The following GRID1 variants were observed in gnomAD, a reference collection of about 807,000 sequenced individuals.
The protein encoded by GRID1 is glutamate receptor ionotropic, delta-1.
GRID1 carries 28 observed loss-of-function variants against 98.0 expected under a neutral mutation model. The observed-to-expected ratio is 0.29, with a 90% CI of 0.21 to 0.39. GRID1 has a LOEUF of 0.39. Ranked by LOEUF, GRID1 falls within the 10% of genes least tolerant of loss-of-function variation. The probability of loss-of-function intolerance (pLI) is 1.00; values close to 1 mark genes in which losing one functional copy is unlikely to be tolerated. For missense variants in GRID1, 1,111 were observed against 1,340.5 expected, an observed-to-expected ratio of 0.83 and a Z score of 2.67; for synonymous variants, 553 against 538.5, an observed-to-expected ratio of 1.03 and a Z score of -0.37.
In GRID1 at chr10:85,991,203, T is replaced by C. The variant is rs552661928; in HGVS notation, c.727-74964A>G. On this transcript the variant is annotated intron_variant, in intron 4 of 15. Transcript: ENST00000327946. ...TCTAGTTCCTTACGATGCTGGTGGA[T>C]CCACTGATTGAATGTAGAATACAAG... 7.8e-4 allele frequency among the ~76,000 whole-genome samples: 118 copies of C among 152,212 alleles called. 1 individual carries two copies. The highest frequency in any genetic ancestry group is 3.4e-3 in the Middle Eastern group (1 of 294).
At chr10:86,186,916 G>C (rs4934159) in intron 3 of GRID1, among the ~76,000 whole-genome samples, 20,257 of 152,216 alleles carry the variant, frequency 0.13, 1,464 homozygotes, top group South Asian at 0.26. Context: ...GAGGTAGAGA[G>C]ACTAACTCCC....
intron 3 of GRID1, among the ~76,000 whole-genome samples, chr10:86,187,626 T>C (rs1280673595): frequency 1.3e-5 from 2 of 152,234 alleles, no homozygotes; most frequent in Non-Finnish European, 2.9e-5. Context: ...TCTTGGCATC[T>C]GTGCAAGCTG....
intron 4 of GRID1, among the ~76,000 whole-genome samples, chr10:86,133,054 T>G (rs978544522): frequency 2.0e-5 from 3 of 152,240 alleles, no homozygotes; most frequent in Non-Finnish European, 2.9e-5. Flanking sequence ...CACTGGTATC[T>G]AACTGCAGAG....
At chr10:85,775,718 AT>A (rs1842324522) in intron 8 of GRID1, among the ~76,000 whole-genome samples, 1 of 152,162 alleles carries the variant, frequency 6.6e-6, no homozygotes, top group South Asian at 2.1e-4. Context: ...AAAATTTTAA[AT>A]TTTTTGTAAA....
chr10:85,924,788 C>T (rs913558912), intron 4 of GRID1, among the ~76,000 whole-genome samples: 3 of 152,170 alleles, frequency 2.0e-5, no homozygotes, highest in African/African-American at 7.2e-5. Flanking sequence ...AATCATTAGA[C>T]CTCCCTGGCC....
intron 12 of GRID1, among the ~76,000 whole-genome samples, chr10:85,656,188 A>T (rs1840893222): frequency 6.6e-6 from 1 of 152,128 alleles, no homozygotes; most frequent in African/African-American, 2.4e-5. Context: ...ACAGTGGCCA[A>T]TTCTCAGTCT....
intron 8 of GRID1, among the ~76,000 whole-genome samples, chr10:85,822,291 G>A (rs1320380015): frequency 6.6e-6 from 1 of 152,118 alleles, no homozygotes; most frequent in Non-Finnish European, 1.5e-5. Flanking sequence ...CTACTCATCT[G>A]ACAAAGGGCT....
intron 3 of GRID1, among the ~76,000 whole-genome samples, chr10:86,193,804 G>A (rs1845837506): frequency 6.6e-6 from 1 of 151,764 alleles, no homozygotes; most frequent in Non-Finnish European, 1.5e-5. Flanking sequence ...CTCAGTGCAG[G>A]ATACACCAAA....
At chr10:85,798,794 C>A (rs1305110524) in intron 8 of GRID1, among the ~76,000 whole-genome samples, 1 of 152,010 alleles carries the variant, frequency 6.6e-6, no homozygotes, top group Non-Finnish European at 1.5e-5. Context: ...TTATTTTCTC[C>A]TATTCTGCAG....
intron 12 of GRID1, among the ~76,000 whole-genome samples, chr10:85,668,340 T>C (rs1470066005): frequency 3.3e-5 from 5 of 152,206 alleles, no homozygotes; most frequent in African/African-American, 1.2e-4. Context: ...ATATGTGTGG[T>C]TGGCTACCCT....
At chr10:86,351,269 T>C (rs987384223) in intron 2 of GRID1, among the ~76,000 whole-genome samples, 1 of 152,160 alleles carries the variant, frequency 6.6e-6, no homozygotes, top group Non-Finnish European at 1.5e-5. Flanking sequence ...ACGGTGTATG[T>C]GGATAGAAAA....
intron 2 of GRID1, among the ~76,000 whole-genome samples, chr10:86,323,972 A>G (rs918886027): frequency 6.6e-5 from 10 of 152,162 alleles, no homozygotes; most frequent in Admixed American, 1.3e-4. Context: ...TGAGGTCAGG[A>G]GTTTGAGACC....
At chr10:85,638,514 C>T (rs1843076548) in intron 13 of GRID1, among the ~76,000 whole-genome samples, 1 of 152,064 alleles carries the variant, frequency 6.6e-6, no homozygotes, top group Non-Finnish European at 1.5e-5. Flanking sequence ...ATCAATGGAA[C>T]AGAATAGAGA....
intron 4 of GRID1, among the ~76,000 whole-genome samples, chr10:85,939,100 G>A (rs762628399): frequency 6.6e-5 from 10 of 152,122 alleles, no homozygotes; most frequent in Admixed American, 1.3e-4. Context: ...GTCCCAGGCC[G>A]CCTGGTGCCT....
intron 4 of GRID1, among the ~76,000 whole-genome samples, chr10:85,934,472 G>C (rs896157392): frequency 1.3e-5 from 2 of 148,702 alleles, no homozygotes; most frequent in Admixed American, 1.3e-4. Flanking sequence ...AAGATAAATA[G>C]CTCATCAAAA....
chr10:86,205,072 T>C (rs982647199), intron 3 of GRID1, among the ~76,000 whole-genome samples: 20 of 152,226 alleles, frequency 1.3e-4, no homozygotes, highest in African/African-American at 4.8e-4. Context: ...ACCTCATCTT[T>C]ATTTCAGCAC....
intron 8 of GRID1, among the ~76,000 whole-genome samples, chr10:85,769,322 T>C (rs1017135851): frequency 1.3e-5 from 2 of 152,120 alleles, no homozygotes; most frequent in African/African-American, 2.4e-5. Flanking sequence ...TACACATGAA[T>C]ATAAAGATGG....
chr10:86,230,669 G>T (rs1846437139), intron 2 of GRID1, among the ~76,000 whole-genome samples: 1 of 152,158 alleles, frequency 6.6e-6, no homozygotes, highest in Non-Finnish European at 1.5e-5. Flanking sequence ...TCCTCTATGT[G>T]CATAAGTCTC....
chr10:86,141,434 G>A (rs571941049), intron 3 of GRID1, among the ~76,000 whole-genome samples: 1 of 152,172 alleles, frequency 6.6e-6, no homozygotes, highest in African/African-American at 2.4e-5. Context: ...ACCAGCACTG[G>A]TATCAGCCCC....
Sources: gnomAD v4.1 joint callset for allele counts (sites outside exome capture counted in the v4.1 genomes callset) on GRCh38, gnomAD v4.1.1 for gene constraint, MANE v1.5 for transcripts, NCBI Gene and HGNC (gene_info 2026-07-23, HGNC 2026-07-21) for gene names.